Variants in TMEM236 observed in about 807,000 individuals in gnomAD.
TMEM236 encodes the protein family with sequence similarity 23, member A.
Under a neutral mutation model 14.7 loss-of-function variants are expected in TMEM236, and 11 were observed. That is an observed-to-expected ratio of 0.75 (90% CI 0.47 to 1.24). The LOEUF is 1.24. Ranked by LOEUF, TMEM236 falls within the 50% of genes most tolerant of loss-of-function variation. The pLI, the probability that TMEM236 is intolerant of heterozygous loss-of-function variation, is 0.00. For synonymous variants in TMEM236, 182 were observed against 168.6 expected (o/e 1.08, Z -0.62); for missense variants, 464 against 427.3 (o/e 1.09, Z -0.76).
intron 1 of TMEM236, among the ~76,000 whole-genome samples, chr10:17,768,251 G>A (rs1338216867): frequency 6.6e-6 from 1 of 151,862 alleles, no homozygotes; most frequent in African/African-American, 2.4e-5. Context: ...ATAAAAAAAA[G>A]ACAATGTGTT....
At chr10:17,788,609 A>C (rs973734687) in intron 3 of TMEM236, among the ~76,000 whole-genome samples, 17 of 151,946 alleles carry the variant, frequency 1.1e-4, no homozygotes, top group Non-Finnish European at 1.2e-4. Flanking sequence ...AGAAAAAAAA[A>C]AAGTTAAAAA....
At position 17,762,574 on chromosome 10, in the gene TMEM236, CATATATATATATATAT is replaced by C. The variant is rs878958449; in HGVS notation, c.258-8705_258-8690del. Among the ~76,000 whole-genome samples, 508 of 53,060 alleles carry C rather than the reference CATATATATATATATAT, an allele frequency of 9.6e-3. 30 individuals carry two copies. The Admixed American group carries it at 0.099, about 10-fold the overall frequency. 34.8% of individuals were successfully genotyped at this position (53,060 alleles called of 152,430 possible). On this transcript the variant is annotated intron_variant, in intron 1 of 3. Transcript: ENST00000377495. Reference sequence around the variant, plus strand: ...GGTATATATTTACCTATCTGAATTTCATATATATATATATATATATATATATATATATATATATATA... The same window carrying C: ...GGTATATATTTACCTATCTGAATTTCATATATATATATATATATATATATA...
In TMEM236 at chr10:17,800,728, G is replaced by C. The variant is rs1838081217; in HGVS notation, c.*4224G>C. On this transcript the variant is annotated 3_prime_UTR_variant, in exon 4 of 4. Coordinates refer to ENST00000377495, the MANE Select transcript of TMEM236 (RefSeq NM_001098844.3). ...AAAAAGAGCAATATACCACTTAGAA[G>C]CTACAAAACTTAAAAATGGCTACTT... 6.6e-6 allele frequency: 1 copy of C among 152,098 alleles called. No individual in the cohort carries two copies. Among genetic ancestry groups the C allele is most frequent in the Non-Finnish European group, 1.5e-5 (1 of 68,026 alleles). The allele number at this position is 152,098 out of a possible 1,614,324, so 9.4% of individuals were successfully genotyped here.
intron 1 of TMEM236, among the ~76,000 whole-genome samples, chr10:17,762,596 T>C (rs1290151273): frequency 2.4e-5 from 2 of 84,576 alleles, no homozygotes; most frequent in African/African-American, 1.5e-4. Flanking sequence ...TATATATATA[T>C]ATATATATAT....
Position 17,798,394 on chromosome 10 carries a change from C to G in TMEM236, c.*1890C>G. On this transcript the variant is annotated 3_prime_UTR_variant, in exon 4 of 4. Transcript: ENST00000377495. ...CCTCTACAAAAAATACAAAAATTAG[C>G]TGGGCATGGTGATCTGCAACTATAG... 1 of 362,202 alleles carries G rather than the reference C, an allele frequency of 2.8e-6. No homozygotes were observed. The highest frequency in any genetic ancestry group is 5.4e-6 in the Non-Finnish European group (1 of 184,006). 22.4% of individuals were successfully genotyped at this position (362,202 alleles called of 1,614,324 possible). A position where few individuals can be genotyped will look rare whatever the true frequency, so the allele number is the denominator to read the frequency against.
At chr10:17,778,167 G>A (rs1837690087) in intron 3 of TMEM236, among the ~76,000 whole-genome samples, 1 of 152,184 alleles carries the variant, frequency 6.6e-6, no homozygotes, top group Non-Finnish European at 1.5e-5. Flanking sequence ...TTGTACAACT[G>A]CTTCTCACTT....
At chr10:17,775,915 G>C in intron 2 of TMEM236, 114 bp from the exon 3 acceptor site, 1 of 1,391,856 alleles carries the variant, frequency 7.2e-7, no homozygotes, top group East Asian at 2.3e-5. Context: ...CAACCTTCTA[G>C]TTTTTTAGTA....
chr10:17,764,526 G>C (rs956173480), intron 1 of TMEM236, among the ~76,000 whole-genome samples: 121 of 152,248 alleles, frequency 7.9e-4, no homozygotes, highest in Non-Finnish European at 1.3e-3. Context: ...TACTTCCTAG[G>C]ACTGCTATAA....
chr10:17,771,198 T>C, intron 1 of TMEM236, 111 bp from the exon 2 acceptor site: 1 of 994,156 alleles, frequency 1.0e-6, no homozygotes, highest in Non-Finnish European at 1.6e-6. Flanking sequence ...AGCAGCAGCT[T>C]CTTAGAAAAA....
At position 17,776,054 on chromosome 10, in the gene TMEM236, C is replaced by G; in HGVS notation, c.356C>G (p.Ala119Gly). ...TEVQKSINGS[A>G]DVLPDMLPDL... ...GTTCAAAAGAGCATTAATGGGTCCG[C>G]TGATGTCTTACCTGATATGTTACCT... is the stretch of plus-strand genomic sequence containing the variant. Residue 119 changes from alanine to glycine, a missense_variant, in exon 3 of 4, where the codon GCT becomes GGT. Transcript: ENST00000377495. 6.2e-7 allele frequency: 1 copy of G among 1,613,830 alleles called. No homozygotes were observed. Among genetic ancestry groups the G allele is most frequent in the South Asian group, 1.1e-5 (1 of 91,070 alleles).
At chr10:17,756,356 G>A (rs1837284203) in intron 1 of TMEM236, among the ~76,000 whole-genome samples, 1 of 152,028 alleles carries the variant, frequency 6.6e-6, no homozygotes, top group Non-Finnish European at 1.5e-5. Context: ...GAGTGCAGAG[G>A]AGCGATCTAG....
chr10:17,760,051 G>A (rs1837336954), intron 1 of TMEM236, among the ~76,000 whole-genome samples: 2 of 143,292 alleles, frequency 1.4e-5, no homozygotes, highest in Admixed American at 7.0e-5. Flanking sequence ...ACTGCTCCGC[G>A]CTGGCCCTGA....
intron 3 of TMEM236, among the ~76,000 whole-genome samples, chr10:17,780,448 A>G (rs1837727428): frequency 6.6e-6 from 1 of 152,156 alleles, no homozygotes. Context: ...ATGCTGTTAC[A>G]AAGTGCTACA....
chr10:17,761,679 G>A (rs1837365344), intron 1 of TMEM236, among the ~76,000 whole-genome samples: 1 of 135,034 alleles, frequency 7.4e-6, no homozygotes, highest in Non-Finnish European at 1.6e-5. Context: ...GGGTGACAGA[G>A]TGAGACTATG....
intron 1 of TMEM236, among the ~76,000 whole-genome samples, chr10:17,761,403 G>GT (rs1837360489): frequency 6.6e-6 from 1 of 151,956 alleles, no homozygotes; most frequent in South Asian, 2.1e-4. Flanking sequence ...CTTAAAAAAA[G>GT]TTTTCTGGGC....
At chr10:17,780,043 T>C (rs1210889812) in intron 3 of TMEM236, among the ~76,000 whole-genome samples, 2 of 152,194 alleles carry the variant, frequency 1.3e-5, no homozygotes, top group Non-Finnish European at 2.9e-5. Context: ...TGTTTTTTTC[T>C]TGGAAACAAC....
chr10:17,766,816 A>G (rs1241119764), intron 1 of TMEM236, among the ~76,000 whole-genome samples: 1 of 151,982 alleles, frequency 6.6e-6, no homozygotes, highest in African/African-American at 2.4e-5. Flanking sequence ...GAGGGATATG[A>G]GAGAGAATTT....
chr10:17,793,561 G>A (rs1303715117), intron 3 of TMEM236, among the ~76,000 whole-genome samples: 1 of 152,160 alleles, frequency 6.6e-6, no homozygotes, highest in Non-Finnish European at 1.5e-5. Flanking sequence ...TTAGCTCACT[G>A]CAACCTCCTC....
chr10:17,771,510 G>T (rs1837572913), intron 2 of TMEM236, 129 bp downstream of exon 2: 1 of 893,384 alleles, frequency 1.1e-6, no homozygotes. Context: ...CTTCCAGGTT[G>T]CAATATATGT....
Sources: allele counts gnomAD v4.1 joint callset (sites outside exome capture counted in the v4.1 genomes callset), GRCh38; gene constraint gnomAD v4.1.1; transcripts MANE v1.5; gene names NCBI Gene and HGNC (gene_info 2026-07-23, HGNC 2026-07-21).